The following PBX1 variants were observed in gnomAD, a reference collection of about 807,000 sequenced individuals.
PBX1 encodes the protein pre-B-cell leukemia transcription factor 1.
PBX1 carries 6 observed loss-of-function variants against 53.4 expected under a neutral mutation model. The ratio of observed to expected loss-of-function variants is 0.11; its 90% CI spans 0.06 to 0.22. The LOEUF is 0.22. Ranked by LOEUF, PBX1 falls within the 10% of genes least tolerant of loss-of-function variation. The pLI is 1.00. For synonymous variants in PBX1, 204 were observed against 212.3 expected (o/e 0.96, Z 0.34); for missense variants, 251 against 551.4 (o/e 0.46, Z 5.46).
At chr1:164,626,451 A>G (rs1423299364) in intron 2 of PBX1, among the ~76,000 whole-genome samples, 1 of 152,180 alleles carries the variant, frequency 6.6e-6, no homozygotes, top group Non-Finnish European at 1.5e-5. Context: ...CTTTGGAAGA[A>G]GGAATCGGTG....
intron 8 of PBX1, among the ~76,000 whole-genome samples, chr1:164,838,757 AC>A (rs1388420812): frequency 6.6e-6 from 1 of 152,098 alleles, no homozygotes; most frequent in African/African-American, 2.4e-5. Flanking sequence ...CAAGAGATGG[AC>A]CTATAACTGT....
intron 3 of PBX1, among the ~76,000 whole-genome samples, chr1:164,793,235 C>T (rs1571417858): frequency 6.6e-6 from 1 of 152,246 alleles, no homozygotes; most frequent in East Asian, 1.9e-4. Context: ...CCTAGAGTCC[C>T]TCACTTTACC....
At chr1:164,560,581 A>C in intron 1 of PBX1, 1 of 170,546 alleles carries the variant, frequency 5.9e-6, no homozygotes, top group Non-Finnish European at 1.2e-5. Flanking sequence ...CAAAACAACA[A>C]AAAAGCAGGG....
In PBX1 at chr1:164,838,592, C is replaced by T. The variant is rs914000022; in HGVS notation, c.1201-7992C>T. 3.3e-5 allele frequency among the ~76,000 whole-genome samples: 5 copies of T among 152,248 alleles called. No individual in the cohort carries two copies. The South Asian group carries it at 6.2e-4, about 19-fold the overall frequency. On this transcript the variant is annotated intron_variant, in intron 8 of 8. Transcript: ENST00000420696. ...GAGCGCACACATTGTCCCACAGCCC[C>T]GTCTTTTGAAAATTGAAATGTCCAA... is the stretch of plus-strand genomic sequence containing the variant.
intron 2 of PBX1, among the ~76,000 whole-genome samples, chr1:164,623,748 T>C (rs1212532753): frequency 6.6e-6 from 1 of 152,244 alleles, no homozygotes; most frequent in Non-Finnish European, 1.5e-5. Flanking sequence ...CCTTGTGCCT[T>C]TCATTACCAC....
intron 2 of PBX1, among the ~76,000 whole-genome samples, chr1:164,695,295 T>C (rs1177189289): frequency 6.6e-6 from 1 of 152,228 alleles, no homozygotes; most frequent in Non-Finnish European, 1.5e-5. Context: ...TCTAAACTCC[T>C]TTGCATAACC....
chr1:164,854,341 A>C (rs1026426420), downstream of PBX1: 1 of 111,676 alleles, frequency 9.0e-6, no homozygotes, highest in Non-Finnish European at 1.9e-5. Context: ...TTAAATTAAA[A>C]AAAATTTTTT....
intron 2 of PBX1, among the ~76,000 whole-genome samples, chr1:164,865,476 G>A (rs1267830118): frequency 6.6e-6 from 1 of 152,194 alleles, no homozygotes; most frequent in Non-Finnish European, 1.5e-5. Flanking sequence ...AGGTATGGGT[G>A]CATAGTAGGC....
intron 2 of PBX1, among the ~76,000 whole-genome samples, chr1:164,750,751 T>C (rs1666167538): frequency 6.6e-6 from 1 of 152,190 alleles, no homozygotes; most frequent in Non-Finnish European, 1.5e-5. Context: ...CTATAAGAAC[T>C]AGTACATAAG....
chr1:164,796,996 T>A (rs947538907), intron 3 of PBX1, among the ~76,000 whole-genome samples: 2 of 152,162 alleles, frequency 1.3e-5, no homozygotes, highest in African/African-American at 4.8e-5. Context: ...TCCCAGGTAC[T>A]GGAAAAATCT....
At chr1:164,867,916 G>T (rs1423385202) in intron 2 of PBX1, among the ~76,000 whole-genome samples, 2 of 152,142 alleles carry the variant, frequency 1.3e-5, no homozygotes, top group African/African-American at 4.8e-5. Context: ...GCCCAGACTG[G>T]TTTACAGAAA....
intron 2 of PBX1, among the ~76,000 whole-genome samples, chr1:164,787,328 T>C (rs1668252190): frequency 6.6e-6 from 1 of 152,160 alleles, no homozygotes; most frequent in African/African-American, 2.4e-5. Context: ...CCTGGACTGT[T>C]GTCCAAATCT....
rs372694499 is a variant in PBX1, at chr1:164,560,668, T to C, written c.191+655T>C. ...TAATTTTGTTTTTTTAAAAAGTTGA[T>C]GAAAAGGTGATTTTGTTTTTAGGCA... On this transcript the variant is annotated intron_variant, in intron 1 of 8. Transcript: ENST00000420696. Among the ~76,000 whole-genome samples the C allele has an allele frequency of 1.9e-4, 29 of 152,320 alleles. No homozygotes were observed. In the East Asian group the frequency reaches 1.9e-3, roughly 10 times the overall value.
At chr1:164,756,324 G>A (rs1019926813) in intron 2 of PBX1, among the ~76,000 whole-genome samples, 3 of 152,100 alleles carry the variant, frequency 2.0e-5, no homozygotes, top group Non-Finnish European at 4.4e-5. Context: ...AAATCTTATG[G>A]AAAATAGTGG....
At chr1:164,744,008 G>A (rs751496357) in intron 2 of PBX1, among the ~76,000 whole-genome samples, 2 of 152,162 alleles carry the variant, frequency 1.3e-5, no homozygotes, top group Admixed American at 6.5e-5. Context: ...TATTGGCTAG[G>A]TAACTAGAAG....
intron 2 of PBX1, among the ~76,000 whole-genome samples, chr1:164,637,090 A>G (rs569175203): frequency 6.6e-6 from 1 of 152,184 alleles, no homozygotes; most frequent in African/African-American, 2.4e-5. Flanking sequence ...GAGGGGAAAA[A>G]TTCTCCAGCT....
At chr1:164,693,564 C>T (rs372183869) in intron 2 of PBX1, among the ~76,000 whole-genome samples, 2 of 152,292 alleles carry the variant, frequency 1.3e-5, no homozygotes, top group African/African-American at 4.8e-5. Flanking sequence ...ACACTCCCCA[C>T]CATTTTCCAT....
At chr1:164,769,447 C>T (rs998838650) in intron 2 of PBX1, 7 of 152,140 alleles carry the variant, frequency 4.6e-5, no homozygotes, top group African/African-American at 1.7e-4. Flanking sequence ...AATGAAGGCC[C>T]CTGAGACATG....
chr1:164,695,375 A>T (rs1278591347), intron 2 of PBX1, among the ~76,000 whole-genome samples: 2 of 152,034 alleles, frequency 1.3e-5, no homozygotes, highest in South Asian at 2.1e-4. Context: ...TTTCTATCTC[A>T]TCATATGCTA....
Sources: gnomAD v4.1 joint callset for allele counts (sites outside exome capture counted in the v4.1 genomes callset) on GRCh38, gnomAD v4.1.1 for gene constraint, MANE v1.5 for transcripts, NCBI Gene and HGNC (gene_info 2026-07-23, HGNC 2026-07-21) for gene names.